The following KMT2C variants were observed in gnomAD, a reference collection of about 807,000 sequenced individuals.
KMT2C encodes lysine methyltransferase 2C.
Under a neutral mutation model 507.9 loss-of-function variants are expected in KMT2C, and 88 were observed. That is an observed-to-expected ratio of 0.17 (90% CI 0.15 to 0.21). KMT2C has a LOEUF of 0.21. KMT2C is among the 10% of genes least tolerant of loss of function. The probability of loss-of-function intolerance (pLI) is 1.00; values close to 1 mark genes in which losing one functional copy is unlikely to be tolerated. For synonymous variants in KMT2C, 2,049 were observed against 2,080.8 expected, an observed-to-expected ratio of 0.98 and a Z score of 0.42; for missense variants, 4,954 against 5,957.8, an observed-to-expected ratio of 0.83 and a Z score of 5.55.
intron 3 of KMT2C, among the ~76,000 whole-genome samples, chr7:152,319,589 G>A (rs1452122185): frequency 3.9e-5 from 6 of 152,000 alleles, no homozygotes; most frequent in Admixed American, 3.3e-4. Flanking sequence ...TTAGAGTTTA[G>A]AGAAGACTCT....
chr7:152,187,880 TATTCACAAGTAACA>T lies in KMT2C; in HGVS notation c.4661-47_4661-34del, dbSNP rs752065307. ...GAAAAAAATAATTCCGTTGGCATGA[TATTCACAAGTAACA>T]AGGAGTTGAAGTAAAGCTGGCCCTT... On this transcript the variant is annotated intron_variant, in intron 31 of 58. Transcript: ENST00000262189. The T allele has an allele frequency of 2.5e-6, 4 of 1,609,898 alleles. No homozygotes were observed. The African/African-American group carries it at 5.3e-5, about 22-fold the overall frequency.
At chr7:152,366,969 G>GC in intron 1 of KMT2C, 1 of 545,692 alleles carries the variant, frequency 1.8e-6, no homozygotes, top group Non-Finnish European at 3.3e-6. Flanking sequence ...GCTCCTCAAT[G>GC]GCCAGCGCCA....
chr7:152,149,173 A>G (rs1164035092), intron 51 of KMT2C, 21 bp from the exon 52 acceptor site: 1 of 1,446,014 alleles, frequency 6.9e-7, no homozygotes, highest in Non-Finnish European at 9.1e-7. Context: ...TAAAGAAACC[A>G]TGACAAAGAA....
rs77597557 is a variant in KMT2C, at chr7:152,186,453, C to T, written c.5008+809G>A. Among the ~76,000 whole-genome samples, 1,108 of 152,288 alleles carry T rather than the reference C, an allele frequency of 7.3e-3. 32 individuals are homozygous for T. The East Asian group carries it at 0.078, about 11-fold the overall frequency. The stretch of plus-strand genomic sequence containing the variant: ...GATACTGCCTTCACAGGTCTCCCTG[C>T]ATCAAACCACTGATTTCTATTGTTA... On this transcript the variant is annotated intron_variant, in intron 33 of 58. Coordinates refer to ENST00000262189, the MANE Select transcript of KMT2C (RefSeq NM_170606.3).
intron 6 of KMT2C, among the ~76,000 whole-genome samples, chr7:152,308,861 G>A (rs1415942405): frequency 1.3e-5 from 2 of 151,918 alleles, no homozygotes; most frequent in African/African-American, 4.8e-5. Flanking sequence ...AAAGCAATTT[G>A]TAGACAGCAA....
Position 152,136,637 on chromosome 7 carries a change from G to A in KMT2C, c.*195C>T, listed in dbSNP as rs1468397117. The A allele has an allele frequency of 1.7e-6, 1 of 581,332 alleles. No individual in the cohort carries two copies. Among genetic ancestry groups the A allele is most frequent in the East Asian group, 2.8e-5 (1 of 35,306 alleles). 36.0% of individuals were successfully genotyped at this position (581,332 alleles called of 1,614,324 possible). A position where few individuals can be genotyped will look rare whatever the true frequency, so the allele number is the denominator to read the frequency against. On this transcript the variant is annotated 3_prime_UTR_variant, in exon 59 of 59. Transcript: ENST00000262189. ...TTCCGTTTAACCTCGGCCACTTCAG[G>A]AACGCTGCTTCTGTCAGCTTCCTCC... is the stretch of plus-strand genomic sequence containing the variant.
intron 1 of KMT2C, among the ~76,000 whole-genome samples, chr7:152,429,316 T>A (rs934360684): frequency 2.0e-5 from 3 of 152,174 alleles, no homozygotes; most frequent in Non-Finnish European, 2.9e-5. Context: ...CACTTGTAGA[T>A]CATATGTAGT....
intron 7 of KMT2C, among the ~76,000 whole-genome samples, chr7:152,270,411 G>C (rs146391781): frequency 0.019 from 2,836 of 152,292 alleles, 47 homozygotes; most frequent in Non-Finnish European, 0.028. Context: ...AGGATATGTA[G>C]CATTTCCATG....
intron 9 of KMT2C, among the ~76,000 whole-genome samples, chr7:152,256,887 C>T (rs2095670137): frequency 6.6e-6 from 1 of 152,124 alleles, no homozygotes; most frequent in Non-Finnish European, 1.5e-5. Context: ...AAGAAAAGTT[C>T]TCTCACACAT....
At chr7:152,305,524 C>T (rs186249131) in intron 6 of KMT2C, among the ~76,000 whole-genome samples, 19 of 150,936 alleles carry the variant, frequency 1.3e-4, no homozygotes, top group Middle Eastern at 7.0e-3. Context: ...TGGTGAAGAT[C>T]ATGTAGAGCC....
intron 1 of KMT2C, among the ~76,000 whole-genome samples, chr7:152,422,459 GAAAA>G (rs59480101): frequency 6.7e-6 from 1 of 148,656 alleles, no homozygotes; most frequent in Non-Finnish European, 1.5e-5. Context: ...GTCTCAAAAA[GAAAA>G]AAAAAGAAAA....
At chr7:152,385,993 C>G (rs6949270) in intron 1 of KMT2C, among the ~76,000 whole-genome samples, 1 of 151,204 alleles carries the variant, frequency 6.6e-6, no homozygotes, top group Non-Finnish European at 1.5e-5. Context: ...GAGGCTGAGG[C>G]AGGAGAAGTG....
chr7:152,255,733 A>C (rs910216246), intron 9 of KMT2C, among the ~76,000 whole-genome samples: 1 of 152,212 alleles, frequency 6.6e-6, no homozygotes, highest in African/African-American at 2.4e-5. Context: ...CTAACATTGT[A>C]GTCTGGAATC....
intron 49 of KMT2C, among the ~76,000 whole-genome samples, chr7:152,151,859 T>C (rs2091651570): frequency 6.6e-6 from 1 of 152,204 alleles, no homozygotes; most frequent in Non-Finnish European, 1.5e-5. Flanking sequence ...AGATTACTAT[T>C]CAGTCTAAGT....
intron 1 of KMT2C, chr7:152,368,575 G>A: frequency 2.9e-6 from 4 of 1,402,712 alleles, no homozygotes; most frequent in Non-Finnish European, 4.0e-6. Context: ...GGATGAGAAG[G>A]CAAACTGGGA....
rs2092272181 is a variant in KMT2C, at chr7:152,158,850, G to T, written c.11670+13C>A. The T allele has an allele frequency of 1.2e-6, 2 of 1,610,822 alleles. No individual in the cohort carries two copies. Among genetic ancestry groups the T allele is most frequent in the African/African-American group, 1.3e-5 (1 of 74,842 alleles). ...ACTTTTAAAAGAGGCTGCTCTAAAT[G>T]ACTCACCCTCACCTGTTTCAAGTGG... On this transcript the variant is annotated intron_variant, in intron 44 of 58. Transcript: ENST00000262189.
rs117889385 is a variant in KMT2C at position 152,153,308 on chromosome 7, G to A, written c.12277-354C>T. Among the ~76,000 whole-genome samples, 171 of 152,242 alleles carry A rather than the reference G, an allele frequency of 1.1e-3. 2 individuals are homozygous for A. The East Asian group carries it at 0.031, about 28-fold the overall frequency. On this transcript the variant is annotated intron_variant, in intron 48 of 58. Transcript: ENST00000262189. Reference sequence around the variant, plus strand: ...CTTCCCTCCAGCTCTGACACAACCCGTAAGAACAGACAAAGGTCTTGCTAC... The same window carrying A: ...CTTCCCTCCAGCTCTGACACAACCCATAAGAACAGACAAAGGTCTTGCTAC...
intron 1 of KMT2C, among the ~76,000 whole-genome samples, chr7:152,423,838 T>C (rs1397691650): frequency 2.0e-5 from 3 of 152,194 alleles, no homozygotes; most frequent in Non-Finnish European, 4.4e-5. Flanking sequence ...AAGATCTCTG[T>C]ACAAGTCAAC....
rs1251114002 is a variant in KMT2C, at chr7:152,163,349, T to C, written c.10228A>G (p.Arg3410Gly). 3 of 1,614,228 alleles carry C rather than the reference T, an allele frequency of 1.9e-6. No individual in the cohort carries two copies. The highest frequency in any genetic ancestry group is 4.5e-5 in the East Asian group (2 of 44,878). The change falls in exon 43 of 59, where the codon AGA becomes GGA. Residue 3410 changes from arginine (R) to glycine (G), a missense_variant. This residue lies in a region of KMT2C where 801 missense variants were observed against 751.2 expected (regional missense o/e 1.07). Transcript: ENST00000262189. ...RKERLREQQE[R>G]QRIQLMQEVD... Reference sequence around the variant, plus strand: ...TCCTGCATGAGTTGGATCCGTTGTCTCTCTTGCTGTTCTCGTAAACGTTCC... The same window carrying C: ...TCCTGCATGAGTTGGATCCGTTGTCCCTCTTGCTGTTCTCGTAAACGTTCC...
Sources: allele counts gnomAD v4.1 joint callset (sites outside exome capture counted in the v4.1 genomes callset), GRCh38; gene constraint gnomAD v4.1.1; regional missense constraint gnomAD v4.1.1; transcripts MANE v1.5; gene names NCBI Gene and HGNC (gene_info 2026-07-23, HGNC 2026-07-21).